The following DZIP1L variants were observed in gnomAD, a reference collection of about 807,000 sequenced individuals.
The protein encoded by DZIP1L is cilium assembly protein DZIP1L.
Under a neutral mutation model 88.7 loss-of-function variants are expected in DZIP1L, and 90 were observed. That is an observed-to-expected ratio of 1.02 (90% CI 0.86 to 1.21). The LOEUF (loss-of-function observed/expected upper bound fraction) is 1.21, where lower values mean the gene tolerates loss of function less well. Among genes scored for constraint, DZIP1L ranks in the 50% most tolerant of loss-of-function variants. The pLI, the probability that DZIP1L is intolerant of heterozygous loss-of-function variation, is 0.00. For missense variants in DZIP1L, 932 were observed against 955.8 expected, an observed-to-expected ratio of 0.98 and a Z score of 0.33; for synonymous variants, 363 against 372.1, an observed-to-expected ratio of 0.98 and a Z score of 0.28.
At chr3:138,074,006 A>G (rs1361772108) in intron 11 of DZIP1L, among the ~76,000 whole-genome samples, 4 of 152,104 alleles carry the variant, frequency 2.6e-5, no homozygotes, top group Admixed American at 6.5e-5. Context: ...CAATCCATAG[A>G]AGACAAAAAA....
chr3:138,103,211 T>C (rs2042376639), intron 2 of DZIP1L, among the ~76,000 whole-genome samples: 1 of 151,574 alleles, frequency 6.6e-6, no homozygotes, highest in Non-Finnish European at 1.5e-5. Flanking sequence ...ACACTAGACA[T>C]GTACCCTCTC....
chr3:138,063,105 T>C lies in DZIP1L; in HGVS notation c.2143-128A>G, dbSNP rs532513947. On this transcript the variant is annotated intron_variant, in intron 15 of 15. Transcript: ENST00000327532. This position sits in a 1 kb window ranked among gnomAD's most constrained non-coding sequence, Gnocchi z 4.1. ...CAAATGCAGACTGGGAAGAAAGCAA[T>C]AGGGAGATGCTACTCCTCCTGACTT... 245 of 1,024,794 alleles carry C rather than the reference T, an allele frequency of 2.4e-4. No homozygotes were observed. In the African/African-American group the frequency reaches 3.5e-3, roughly 15 times the overall value. 63.5% of individuals were successfully genotyped at this position (1,024,794 alleles called of 1,614,324 possible).
At chr3:138,083,584 C>T (rs1943773530) in intron 8 of DZIP1L, among the ~76,000 whole-genome samples, 1 of 152,216 alleles carries the variant, frequency 6.6e-6, no homozygotes, top group Admixed American at 6.5e-5. Context: ...TCTCTCACCT[C>T]ATCAGAGGCT....
At chr3:138,115,141 C>G (rs1427877671) in intron 1 of DZIP1L, among the ~76,000 whole-genome samples, 187 bp downstream of exon 1, 1 of 152,054 alleles carries the variant, frequency 6.6e-6, no homozygotes, top group Non-Finnish European at 1.5e-5. Flanking sequence ...GCCAGAAGGG[C>G]GCGCCCTGGG....
rs1559864357 is a variant in DZIP1L at position 138,106,132 on chromosome 3, T to TTC, written c.-81-2081_-81-2080insGA. On this transcript the variant is annotated intron_variant, in intron 1 of 15. Coordinates refer to ENST00000327532, the MANE Select transcript of DZIP1L (RefSeq NM_173543.3). ...TACATGATTCAGTCTTCTTTCTTTTTTTTTTTTTTTTTTTTTTTTTTTTTG... is the reference window on the plus strand; with the variant it reads ...TACATGATTCAGTCTTCTTTCTTTTTTCTTTTTTTTTTTTTTTTTTTTTTTTG... 6.0e-3 allele frequency among the ~76,000 whole-genome samples: 789 copies of TTC among 130,490 alleles called. 13 individuals are homozygous for TTC. Among genetic ancestry groups the TTC allele is most frequent in the African/African-American group, 0.022 (765 of 34,260 alleles). The allele number at this position is 130,490 out of a possible 152,430, so 85.6% of individuals were successfully genotyped here. A position where few individuals can be genotyped will look rare whatever the true frequency, so the allele number is the denominator to read the frequency against.
At chr3:138,079,771 A>C (rs1943563713) in intron 10 of DZIP1L, among the ~76,000 whole-genome samples, 1 of 152,178 alleles carries the variant, frequency 6.6e-6, no homozygotes, top group Non-Finnish European at 1.5e-5. Flanking sequence ...AAAACATTAC[A>C]TTAAAAAATA....
intron 12 of DZIP1L, 101 bp downstream of exon 12, chr3:138,071,542 A>C (rs2107744166): frequency 7.4e-7 from 1 of 1,352,534 alleles, no homozygotes; most frequent in South Asian, 1.5e-5. Flanking sequence ...AGTGCCCCTA[A>C]TGGGGGACAG....
intron 2 of DZIP1L, chr3:138,102,055 C>A (rs1235614322): frequency 1.4e-6 from 2 of 1,479,454 alleles, no homozygotes; most frequent in East Asian, 4.5e-5. Flanking sequence ...ATCTGCAGCT[C>A]CTCATACTTG....
intron 10 of DZIP1L, among the ~76,000 whole-genome samples, chr3:138,079,165 A>G (rs1559834498): frequency 6.6e-6 from 1 of 152,022 alleles, no homozygotes; most frequent in Non-Finnish European, 1.5e-5. Flanking sequence ...AGCAAGTAAA[A>G]CCTCCACTGT....
rs777472063 is a variant in DZIP1L, at chr3:138,104,005, A to AG, written c.-35dup. ...GAAGCCCTGAGCTGACCACCAGAGG[A>AG]GGGGGGCACCAAGGCCACGGCAGTA... On this transcript the variant is annotated 5_prime_UTR_variant, in exon 2 of 16. Transcript: ENST00000327532. 3.8e-6 allele frequency: 6 copies of AG among 1,580,316 alleles called. No homozygotes were observed. Among genetic ancestry groups the AG allele is most frequent in the South Asian group, 2.3e-5 (2 of 86,360 alleles).
chr3:138,101,572 C>A (rs1014587812), intron 2 of DZIP1L: 1 of 809,840 alleles, frequency 1.2e-6, no homozygotes, highest in Admixed American at 1.7e-5. Context: ...GGAGCTGGTG[C>A]GGCTGAAGGA....
chr3:138,070,797 G>A (rs1266370455), intron 12 of DZIP1L, among the ~76,000 whole-genome samples: 2 of 152,194 alleles, frequency 1.3e-5, no homozygotes, highest in African/African-American at 4.8e-5. Context: ...TGACTGAGGA[G>A]ACGAAGTAAA....
Position 138,083,966 on chromosome 3 carries a change from G to A in DZIP1L, c.1203+147C>T, listed in dbSNP as rs1453000206. 6 of 1,144,426 alleles carry A rather than the reference G, an allele frequency of 5.2e-6. No homozygotes were observed. The African/African-American group carries it at 7.8e-5, about 15-fold the overall frequency. The allele number at this position is 1,144,426 out of a possible 1,614,324, so 70.9% of individuals were successfully genotyped here. ...GGCAGCTACAGCCTTATCATTTTGT[G>A]CCCTTCATGCCAGAGGACTCTTCTC... On this transcript the variant is annotated intron_variant, in intron 8 of 15. Coordinates refer to ENST00000327532, the MANE Select transcript of DZIP1L (RefSeq NM_173543.3).
intron 11 of DZIP1L, among the ~76,000 whole-genome samples, chr3:138,072,616 C>T (rs1404228904): frequency 6.6e-6 from 1 of 151,962 alleles, no homozygotes; most frequent in Non-Finnish European, 1.5e-5. Flanking sequence ...TAATAACATA[C>T]GTGTTCTGGT....
chr3:138,106,817 G>C (rs1044238728), intron 1 of DZIP1L, among the ~76,000 whole-genome samples: 1 of 151,404 alleles, frequency 6.6e-6, no homozygotes, highest in African/African-American at 2.4e-5. Context: ...GGGTGACAGA[G>C]CGAGACTCCG....
At chr3:138,090,093 T>C (rs1220882729) in intron 5 of DZIP1L, among the ~76,000 whole-genome samples, 1 of 151,926 alleles carries the variant, frequency 6.6e-6, no homozygotes, top group African/African-American at 2.4e-5. Flanking sequence ...TGAACCGTGA[T>C]TGTGCCACTG....
At chr3:138,087,623 G>A (rs1405654747) in intron 6 of DZIP1L, among the ~76,000 whole-genome samples, 6 of 152,204 alleles carry the variant, frequency 3.9e-5, no homozygotes, top group Admixed American at 2.0e-4. Context: ...GAGTTCTCAG[G>A]AAAAGAATGG....
In DZIP1L at chr3:138,092,558, C is replaced by T. The variant is rs113733970; in HGVS notation, c.709-14G>A. 0.058 allele frequency: 90,644 copies of T among 1,555,780 alleles called. 2,965 individuals are homozygous for T. The highest frequency in any genetic ancestry group is 0.068 in the Non-Finnish European group (78,435 of 1,160,254). ...GAGCTCTGCTTCCTAAAAAGAAGAG[C>T]AAGAACAATATGATGATTAATTCCA... On this transcript the variant is annotated splice_polypyrimidine_tract_variant and intron_variant, in intron 4 of 15. Coordinates refer to ENST00000327532, the MANE Select transcript of DZIP1L (RefSeq NM_173543.3).
At chr3:138,071,079 C>A (rs1487765955) in intron 12 of DZIP1L, among the ~76,000 whole-genome samples, 1 of 152,206 alleles carries the variant, frequency 6.6e-6, no homozygotes, top group Non-Finnish European at 1.5e-5. Flanking sequence ...CCCAAGGAAC[C>A]AACTATGAGC....
Sources: allele counts gnomAD v4.1 joint callset (sites outside exome capture counted in the v4.1 genomes callset), GRCh38; gene constraint gnomAD v4.1.1; non-coding constraint Gnocchi (gnomAD v3.1); transcripts MANE v1.5; gene names NCBI Gene and HGNC (gene_info 2026-07-23, HGNC 2026-07-21).